ADORA2B: variants seen among roughly 807,000 people sequenced by gnomAD.
ADORA2B encodes adenosine receptor A2b.
Under a neutral mutation model 20.8 loss-of-function variants are expected in ADORA2B, and 18 were observed. The observed-to-expected ratio is 0.87, with a 90% confidence interval of 0.60 to 1.29. ADORA2B has a LOEUF of 1.29. ADORA2B is among the 50% of genes most tolerant of loss of function. The probability of loss-of-function intolerance (pLI) is 0.00; values close to 1 mark genes in which losing one functional copy is unlikely to be tolerated. For missense variants in ADORA2B, 441 were observed against 422.7 expected, an observed-to-expected ratio of 1.04 and a Z score of -0.38; for synonymous variants, 179 against 178.3, an observed-to-expected ratio of 1.00 and a Z score of -0.03.
At chr17:15,890,025 A>G in the ADORA2B span, among the ~76,000 whole-genome samples, 15 of 129,954 alleles carry the variant, frequency 1.2e-4, 3 homozygotes, top group East Asian at 2.2e-3. Flanking sequence ...TTTCCTCTAC[A>G]CTGGACGCCT....
chr17:15,865,077 A>C, the ADORA2B span, among the ~76,000 whole-genome samples: 2 of 151,988 alleles, frequency 1.3e-5, no homozygotes, highest in Non-Finnish European at 2.9e-5. Context: ...AACTTCTCCA[A>C]ATATTTTCTT....
At chr17:15,902,608 A>G in the ADORA2B span, among the ~76,000 whole-genome samples, 1 of 152,146 alleles carries the variant, frequency 6.6e-6, no homozygotes, top group Admixed American at 6.6e-5. Context: ...GTTCATTTTC[A>G]TCCTGGCTGG....
the ADORA2B span, among the ~76,000 whole-genome samples, chr17:15,930,464 T>A: frequency 6.6e-6 from 1 of 151,816 alleles, no homozygotes; most frequent in African/African-American, 2.4e-5. Context: ...CCTGGCTAAT[T>A]TTTGTATTTT....
chr17:15,914,271 A>G, the ADORA2B span, among the ~76,000 whole-genome samples: 3 of 152,200 alleles, frequency 2.0e-5, no homozygotes, highest in African/African-American at 7.2e-5. Flanking sequence ...ATCCTAGCAC[A>G]CTAGAACCTT....
In ADORA2B at chr17:15,950,736, C is replaced by T. The variant is rs145656632; in HGVS notation, c.335+5153C>T. On this transcript the variant is annotated intron_variant, in intron 1 of 1. Coordinates refer to ENST00000304222, the MANE Select transcript of ADORA2B (RefSeq NM_000676.4). ...TGCAGAGACACAGAGAGTGAAATCC[C>T]TATGCCCTACCCTAGCCTGAGGCTG... is the stretch of plus-strand genomic sequence containing the variant. Among the ~76,000 whole-genome samples the T allele has an allele frequency of 2.3e-3, 352 of 152,346 alleles. 3 individuals carry two copies. The highest frequency in any genetic ancestry group is 8.0e-3 in the African/African-American group (334 of 41,574).
At chr17:15,900,081 C>G in the ADORA2B span, among the ~76,000 whole-genome samples, 1 of 152,130 alleles carries the variant, frequency 6.6e-6, no homozygotes, top group Non-Finnish European at 1.5e-5. Context: ...CCGCTTGCCT[C>G]GGCCTCCCAA....
chr17:15,853,311 A>G, the ADORA2B span, among the ~76,000 whole-genome samples: 1 of 152,208 alleles, frequency 6.6e-6, no homozygotes, highest in African/African-American at 2.4e-5. Context: ...TTTCAGTACA[A>G]CAAAAACAGA....
the ADORA2B span, among the ~76,000 whole-genome samples, chr17:15,877,125 C>T: frequency 6.6e-6 from 1 of 152,112 alleles, no homozygotes; most frequent in Non-Finnish European, 1.5e-5. Context: ...TATATGTTTG[C>T]TATCATATAT....
intron 1 of ADORA2B, among the ~76,000 whole-genome samples, chr17:15,959,716 G>T (rs898904391): frequency 1.3e-5 from 2 of 152,156 alleles, no homozygotes; most frequent in African/African-American, 4.8e-5. Context: ...GGCCAGGCTG[G>T]TCGTGAATTC....
chr17:15,970,119 C>T lies in ADORA2B; in HGVS notation c.336-4560C>T, dbSNP rs143066325. On this transcript the variant is annotated intron_variant, in intron 1 of 1. Coordinates refer to ENST00000304222, the MANE Select transcript of ADORA2B (RefSeq NM_000676.4). ...CGGAACCCGTCGCAATTCATAACTT[C>T]GTATTTATATGTTTACTTATTTTCT... Among the ~76,000 whole-genome samples the T allele has an allele frequency of 1.4e-3, 217 of 152,324 alleles. 1 individual carries two copies. Among genetic ancestry groups the T allele is most frequent in the African/African-American group, 5.0e-3 (207 of 41,582 alleles).
chr17:15,866,706 G>GCTGCCGCTGCCT, the ADORA2B span, among the ~76,000 whole-genome samples: 57 of 147,942 alleles, frequency 3.9e-4, 1 homozygote, highest in African/African-American at 1.3e-3. Context: ...TGCCTCTGCC[G>GCTGCCGCTGCCT]CTGCCGCTGC....
At chr17:15,916,129 G>A in the ADORA2B span, among the ~76,000 whole-genome samples, 7 of 152,150 alleles carry the variant, frequency 4.6e-5, no homozygotes, top group African/African-American at 1.4e-4. Flanking sequence ...GCCTGCTTAC[G>A]AACAGGCGAA....
intron 1 of ADORA2B, among the ~76,000 whole-genome samples, chr17:15,956,561 A>G (rs934015381): frequency 1.6e-5 from 2 of 122,134 alleles, no homozygotes; most frequent in African/African-American, 6.3e-5. Context: ...ATCATCCTCT[A>G]CTTCTTTTTT....
chr17:15,881,865 C>A, the ADORA2B span, among the ~76,000 whole-genome samples: 8 of 152,338 alleles, frequency 5.3e-5, no homozygotes, highest in African/African-American at 1.9e-4. Context: ...AGCTGGGAGA[C>A]CGCCTACCAC....
intron 1 of ADORA2B, among the ~76,000 whole-genome samples, chr17:15,968,992 C>T (rs1227594002): frequency 6.6e-6 from 1 of 152,184 alleles, no homozygotes; most frequent in Non-Finnish European, 1.5e-5. Flanking sequence ...GAGGTAACAG[C>T]AGTTCTCAAG....
chr17:15,873,883 C>T, the ADORA2B span, among the ~76,000 whole-genome samples: 1 of 151,972 alleles, frequency 6.6e-6, no homozygotes, highest in African/African-American at 2.4e-5. Context: ...TTCAACAATC[C>T]TACTACTGGG....
chr17:15,893,287 G>A, the ADORA2B span, among the ~76,000 whole-genome samples: 2 of 152,068 alleles, frequency 1.3e-5, no homozygotes, highest in African/African-American at 4.8e-5. Flanking sequence ...ATATCTCTAA[G>A]GTATTTATAT....
the ADORA2B span, among the ~76,000 whole-genome samples, chr17:15,939,597 C>T: frequency 6.6e-6 from 1 of 152,080 alleles, no homozygotes; most frequent in African/African-American, 2.4e-5. Context: ...TGCTGGCTCA[C>T]GCCTGTAATC....
the ADORA2B span, among the ~76,000 whole-genome samples, chr17:15,911,924 C>G: frequency 6.6e-6 from 1 of 152,028 alleles, no homozygotes; most frequent in Admixed American, 6.6e-5. Context: ...TAAAAATTAG[C>G]CAGGCCAGCT....
Sources: allele counts gnomAD v4.1 joint callset (sites outside exome capture counted in the v4.1 genomes callset), GRCh38; gene constraint gnomAD v4.1.1; transcripts MANE v1.5; gene names NCBI Gene and HGNC (gene_info 2026-07-23, HGNC 2026-07-21).